ZNF564: variants seen among roughly 807,000 people sequenced by gnomAD.
The protein encoded by ZNF564 is zinc finger protein 564.
Under a neutral mutation model 10.5 loss-of-function variants are expected in ZNF564, and 5 were observed. That is an observed-to-expected ratio of 0.48 (90% CI 0.25 to 1.00). The LOEUF is 1.00. Ranked by LOEUF, ZNF564 falls within the 50% of genes least tolerant of loss-of-function variation. The pLI is 0.16. For synonymous variants in ZNF564, 242 were observed against 218.1 expected (o/e 1.11, Z -0.97); for missense variants, 603 against 669.7 (o/e 0.90, Z 1.10).
Position 12,537,607 on chromosome 19 carries a change from G to A in ZNF564, c.4-8911C>T, listed in dbSNP as rs375339407. On this transcript the variant is annotated intron_variant, in intron 1 of 3. Coordinates refer to ENST00000339282, the MANE Select transcript of ZNF564 (RefSeq NM_144976.4). Reference sequence around the variant, plus strand: ...TACAAAATTAGCCAGGTGTGGTGGCGCATGCCTGTAATCCCAGTTACTGGG... The same window carrying A: ...TACAAAATTAGCCAGGTGTGGTGGCACATGCCTGTAATCCCAGTTACTGGG... 3.4e-3 allele frequency among the ~76,000 whole-genome samples: 515 copies of A among 151,940 alleles called. 1 individual carries two copies. Among genetic ancestry groups the A allele is most frequent in the African/African-American group, 0.012 (489 of 41,468 alleles).
At chr19:12,528,164 T>C (rs1168370531) in intron 3 of ZNF564, 140 bp downstream of exon 3, 2 of 898,842 alleles carry the variant, frequency 2.2e-6, no homozygotes, top group African/African-American at 3.4e-5. Flanking sequence ...TGAACATCTA[T>C]GCCACTTTTT....
chr19:12,542,224 G>C (rs1014038521), intron 1 of ZNF564, among the ~76,000 whole-genome samples: 1 of 142,392 alleles, frequency 7.0e-6, no homozygotes, highest in South Asian at 2.2e-4. Flanking sequence ...CACAAGAATT[G>C]CTTGAACCGG....
chr19:12,528,726 G>A (rs1295072317), intron 1 of ZNF564, 30 bp from the exon 2 acceptor site: 4 of 1,595,078 alleles, frequency 2.5e-6, no homozygotes, highest in South Asian at 2.3e-5. Context: ...CAATGCAGGA[G>A]GAAGAATGAG....
Position 12,526,264 on chromosome 19 carries a change from G to T in ZNF564, c.*182C>A. 1 of 579,906 alleles carries T rather than the reference G, an allele frequency of 1.7e-6. No individual in the cohort carries two copies. The highest frequency in any genetic ancestry group is 2.9e-6 in the Non-Finnish European group (1 of 349,634). The allele number at this position is 579,906 out of a possible 1,614,324, so 35.9% of individuals were successfully genotyped here. ...CAAAATTCTTCTTCAGCTCCGAACC[G>T]GTGAAAACCAAACTAGTCATGTATT... On this transcript the variant is annotated 3_prime_UTR_variant, in exon 4 of 4. Coordinates refer to ENST00000339282, the MANE Select transcript of ZNF564 (RefSeq NM_144976.4).
chr19:12,547,888 C>T (rs187539963), intron 1 of ZNF564, among the ~76,000 whole-genome samples: 13 of 151,118 alleles, frequency 8.6e-5, no homozygotes, highest in Admixed American at 7.9e-4. Flanking sequence ...CTCGGCTCAC[C>T]GCAACTTCCG....
rs758224790 is a variant in ZNF564 at position 12,526,400 on chromosome 19, T to A, written c.*46A>T. 6 of 1,515,482 alleles carry A rather than the reference T, an allele frequency of 4.0e-6. No individual in the cohort carries two copies. The highest frequency in any genetic ancestry group is 5.3e-6 in the Non-Finnish European group (6 of 1,135,492). 93.9% of individuals were successfully genotyped at this position (1,515,482 alleles called of 1,614,324 possible). On this transcript the variant is annotated 3_prime_UTR_variant, in exon 4 of 4. Coordinates refer to ENST00000339282, the MANE Select transcript of ZNF564 (RefSeq NM_144976.4). ...GAAACCCAGAAAGCAAACTGAAGAC[T>A]TTCCATATTCTTTAGATATGTAGAT...
intron 1 of ZNF564, chr19:12,548,734 C>G: frequency 1.4e-6 from 1 of 696,520 alleles, no homozygotes; most frequent in Admixed American, 2.0e-5. Context: ...TCCATGACAA[C>G]TTCTTTACTA....
At chr19:12,542,432 A>G (rs2022074123) in intron 1 of ZNF564, among the ~76,000 whole-genome samples, 1 of 152,024 alleles carries the variant, frequency 6.6e-6, no homozygotes, top group Non-Finnish European at 1.5e-5. Context: ...GTTCAAGATC[A>G]GCCTAGGCAA....
intron 1 of ZNF564, among the ~76,000 whole-genome samples, chr19:12,534,672 G>A (rs997764568): frequency 2.6e-5 from 4 of 151,974 alleles, no homozygotes; most frequent in African/African-American, 7.3e-5. Flanking sequence ...AAATTAGCTG[G>A]GCATGGTGGC....
chr19:12,543,279 G>A (rs1263731519), intron 1 of ZNF564, among the ~76,000 whole-genome samples: 1 of 144,042 alleles, frequency 6.9e-6, no homozygotes, highest in African/African-American at 2.5e-5. Context: ...TCCAGCCTAG[G>A]TGACTGAGTG....
chr19:12,527,460 T>C lies in ZNF564; in HGVS notation c.648A>G (p.Glu216=), dbSNP rs1341479994. The change falls in exon 4 of 4, where the codon GAA becomes GAG. Residue 216 remains glutamate, a synonymous_variant. Coordinates refer to ENST00000339282, the MANE Select transcript of ZNF564 (RefSeq NM_144976.4). ...FDRPSLFQIH[E]RTHTGEKPYE... is the part of the protein sequence containing the mutation. Reference sequence around the variant, plus strand: ...AGGGTTTCTCTCCAGTGTGAGTTCTTTCATGTATCTGAAATAAACTTGGGC... The same window carrying C: ...AGGGTTTCTCTCCAGTGTGAGTTCTCTCATGTATCTGAAATAAACTTGGGC... 6.2e-7 allele frequency: 1 copy of C among 1,614,094 alleles called. No homozygotes were observed.
intron 1 of ZNF564, among the ~76,000 whole-genome samples, chr19:12,547,341 C>T (rs574978409): frequency 1.6e-4 from 24 of 152,250 alleles, no homozygotes; most frequent in African/African-American, 4.1e-4. Context: ...AGATGTAAGC[C>T]GCCACTTCCA....
In ZNF564 at chr19:12,526,821, G is replaced by C; in HGVS notation, c.1287C>G (p.Ala429=). 1 of 1,612,638 alleles carries C rather than the reference G, an allele frequency of 6.2e-7. No homozygotes were observed. The highest frequency in any genetic ancestry group is 8.5e-7 in the Non-Finnish European group (1 of 1,179,592). Residue 429 remains alanine, a synonymous_variant, in exon 4 of 4, where the codon GCC becomes GCG. Transcript: ENST00000339282. ...KPYECQVCGK[A]FISLKRIRKH... is the part of the protein sequence containing the mutation. Reference sequence around the variant, plus strand: ...TTCTAATCCTTTTAAGAGAAATGAAGGCTTTCCCACATACCTGACATTCAT... The same window carrying C: ...TTCTAATCCTTTTAAGAGAAATGAACGCTTTCCCACATACCTGACATTCAT...
chr19:12,544,557 G>A (rs955659879), intron 1 of ZNF564, among the ~76,000 whole-genome samples: 2 of 152,066 alleles, frequency 1.3e-5, no homozygotes, highest in Non-Finnish European at 2.9e-5. Flanking sequence ...TTACACAGCC[G>A]CCTCCCTGTG....
chr19:12,535,384 A>T (rs2021888357), intron 1 of ZNF564, among the ~76,000 whole-genome samples: 1 of 152,158 alleles, frequency 6.6e-6, no homozygotes, highest in African/African-American at 2.4e-5. Flanking sequence ...AAAAGAAAAA[A>T]AGAAAAGTAT....
chr19:12,542,587 G>A (rs2022077357), intron 1 of ZNF564, among the ~76,000 whole-genome samples: 1 of 150,146 alleles, frequency 6.7e-6, no homozygotes, highest in African/African-American at 2.5e-5. Context: ...CGCCAGTGCA[G>A]ATCATGCCTG....
At chr19:12,529,044 G>A (rs541498362) in intron 1 of ZNF564, among the ~76,000 whole-genome samples, 4 of 152,266 alleles carry the variant, frequency 2.6e-5, no homozygotes, top group African/African-American at 9.6e-5. Context: ...CAGCCTGGCT[G>A]ACAGAGAGAG....
At chr19:12,530,010 GA>G (rs2021770312) in intron 1 of ZNF564, 1 of 152,306 alleles carries the variant, frequency 6.6e-6, no homozygotes, top group East Asian at 1.9e-4. Flanking sequence ...AAGAAAGAAA[GA>G]AAGAAAAAAA....
At chr19:12,542,661 G>GA (rs550746032) in intron 1 of ZNF564, among the ~76,000 whole-genome samples, 3 of 122,114 alleles carry the variant, frequency 2.5e-5, no homozygotes, top group East Asian at 2.1e-4. Context: ...AGAAAGAAAA[G>GA]AAAAAAGGAA....
Sources: gnomAD v4.1 joint callset for allele counts (sites outside exome capture counted in the v4.1 genomes callset) on GRCh38, gnomAD v4.1.1 for gene constraint, MANE v1.5 for transcripts, NCBI Gene and HGNC (gene_info 2026-07-23, HGNC 2026-07-21) for gene names.